Variants in ST7 observed in about 807,000 individuals in gnomAD.
ST7 encodes suppressor of tumorigenicity 7 protein.
In ST7, 28 loss-of-function variants were observed where a neutral mutation model predicts 78.7. That is an observed-to-expected ratio of 0.36 (90% CI 0.26 to 0.49). ST7 has a LOEUF of 0.49. Among genes scored for constraint, ST7 ranks in the 20% least tolerant of loss-of-function variants. The pLI, the probability that ST7 is intolerant of heterozygous loss-of-function variation, is 0.99. For synonymous variants in ST7, 247 were observed against 249.6 expected, an observed-to-expected ratio of 0.99 and a Z score of 0.10; for missense variants, 418 against 696.0, an observed-to-expected ratio of 0.60 and a Z score of 4.49.
chr7:117,040,073 C>G (rs1432526437), intron 1 of ST7, among the ~76,000 whole-genome samples: 1 of 152,066 alleles, frequency 6.6e-6, no homozygotes, highest in African/African-American at 2.4e-5. Flanking sequence ...GGGCACTCTG[C>G]TTTAAAGACA....
intron 1 of ST7, among the ~76,000 whole-genome samples, chr7:117,057,043 CTGTT>C (rs1798099407): frequency 6.6e-6 from 1 of 152,022 alleles, no homozygotes. Context: ...CGGTGGTTAT[CTGTT>C]TGTGGATGAT....
intron 15 of ST7, chr7:117,223,427 C>T (rs1793241049): frequency 2.2e-5 from 4 of 179,204 alleles, no homozygotes; most frequent in Non-Finnish European, 4.7e-5. Context: ...AGTTGTTCAG[C>T]ATGGCATCCA....
At chr7:117,025,546 C>T (rs1341267645) in intron 1 of ST7, among the ~76,000 whole-genome samples, 1 of 151,976 alleles carries the variant, frequency 6.6e-6, no homozygotes, top group Non-Finnish European at 1.5e-5. Context: ...GCACAAAAAC[C>T]CACCTCTAAG....
intron 1 of ST7, among the ~76,000 whole-genome samples, chr7:116,965,589 TA>T (rs1290195655): frequency 2.6e-5 from 4 of 152,164 alleles, no homozygotes; most frequent in Non-Finnish European, 4.4e-5. Flanking sequence ...AAAATTTTTT[TA>T]AAAAGTATTC....
At chr7:117,182,172 G>A (rs930342253) in intron 10 of ST7, among the ~76,000 whole-genome samples, 4 of 152,114 alleles carry the variant, frequency 2.6e-5, no homozygotes, top group Non-Finnish European at 2.9e-5. Context: ...TGTGATATTG[G>A]CATATTTCTT....
intron 9 of ST7, among the ~76,000 whole-genome samples, chr7:117,160,972 G>A (rs916488545): frequency 3.3e-5 from 5 of 152,102 alleles, no homozygotes; most frequent in Non-Finnish European, 7.4e-5. Flanking sequence ...TCCAGCTGTG[G>A]TTCATGTGGG....
intron 9 of ST7, among the ~76,000 whole-genome samples, chr7:117,168,006 AG>A (rs1286604693): frequency 6.6e-6 from 1 of 152,168 alleles, no homozygotes; most frequent in Non-Finnish European, 1.5e-5. Flanking sequence ...AGCTTGTTTG[AG>A]GAGCCGGAAA....
intron 15 of ST7, among the ~76,000 whole-genome samples, chr7:117,229,039 T>C (rs1038619443): frequency 1.3e-5 from 2 of 152,256 alleles, no homozygotes; most frequent in African/African-American, 4.8e-5. Flanking sequence ...AATATTTTAA[T>C]AAGTATCTCA....
intron 1 of ST7, among the ~76,000 whole-genome samples, chr7:117,003,565 G>A (rs184807187): frequency 6.6e-6 from 1 of 152,190 alleles, no homozygotes; most frequent in Admixed American, 6.5e-5. Flanking sequence ...GATTACAAGC[G>A]TGAGCCACTG....
intron 2 of ST7, among the ~76,000 whole-genome samples, chr7:117,102,684 G>A (rs1395694399): frequency 6.6e-6 from 1 of 152,042 alleles, no homozygotes; most frequent in Non-Finnish European, 1.5e-5. Context: ...TATCCAGAGA[G>A]GACAAGGAGT....
chr7:117,033,304 T>A (rs750629578), intron 1 of ST7, among the ~76,000 whole-genome samples: 20 of 152,162 alleles, frequency 1.3e-4, no homozygotes, highest in Non-Finnish European at 2.6e-4. Flanking sequence ...ATGGAAAAAC[T>A]TATTAAGTTT....
chr7:117,139,636 G>A (rs1179103211), intron 9 of ST7, among the ~76,000 whole-genome samples: 1 of 152,178 alleles, frequency 6.6e-6, no homozygotes, highest in East Asian at 1.9e-4. Flanking sequence ...AGGCAACAGT[G>A]TAGCCCCCAA....
chr7:117,150,681 A>C, intron 9 of ST7, among the ~76,000 whole-genome samples: 1 of 152,052 alleles, frequency 6.6e-6, no homozygotes. Context: ...CTTGGCCATC[A>C]ATTCTAAATA....
chr7:117,131,111 A>C (rs1258691040), intron 5 of ST7, among the ~76,000 whole-genome samples: 3 of 151,860 alleles, frequency 2.0e-5, no homozygotes, highest in Non-Finnish European at 4.4e-5. Context: ...TGTATTTTAC[A>C]TTACTTGAGT....
chr7:117,223,889 A>G (rs994675891), intron 15 of ST7: 32 of 922,948 alleles, frequency 3.5e-5, no homozygotes, highest in Non-Finnish European at 4.0e-5. Context: ...TTTTCAATAA[A>G]TGATTATTAA....
At chr7:117,120,701 T>C (rs925567253) in intron 3 of ST7, among the ~76,000 whole-genome samples, 17 of 152,352 alleles carry the variant, frequency 1.1e-4, no homozygotes, top group Middle Eastern at 3.4e-3. Context: ...TCTCTACTTC[T>C]GTTAATCTTT....
intron 12 of ST7, among the ~76,000 whole-genome samples, chr7:117,208,764 A>C (rs2116014338): frequency 6.6e-6 from 1 of 152,252 alleles, no homozygotes; most frequent in African/African-American, 2.4e-5. Context: ...TGATGCTAAA[A>C]TTTTTGAACA....
chr7:117,142,521 TG>T (rs1164155893), intron 9 of ST7, among the ~76,000 whole-genome samples: 1 of 151,874 alleles, frequency 6.6e-6, no homozygotes, highest in African/African-American at 2.4e-5. Flanking sequence ...AAATGTCCCC[TG>T]GGGGGCAAAA....
At chr7:117,159,672 A>C (rs1806975589) in intron 9 of ST7, among the ~76,000 whole-genome samples, 1 of 152,212 alleles carries the variant, frequency 6.6e-6, no homozygotes, top group African/African-American at 2.4e-5. Context: ...TATTTGGTAC[A>C]TTATTTTAAA....
Sources: gnomAD v4.1 joint callset for allele counts (sites outside exome capture counted in the v4.1 genomes callset) on GRCh38, gnomAD v4.1.1 for gene constraint, MANE v1.5 for transcripts, NCBI Gene and HGNC (gene_info 2026-07-23, HGNC 2026-07-21) for gene names.